PDZRN3: variants seen among roughly 807,000 people sequenced by gnomAD.
The protein encoded by PDZRN3 is PDZ domain containing ring finger 3.
PDZRN3 carries 38 observed loss-of-function variants against 85.7 expected under a neutral mutation model. That is an observed-to-expected ratio of 0.44 (90% CI 0.34 to 0.58). PDZRN3 has a LOEUF of 0.58. Among genes scored for constraint, PDZRN3 ranks in the 20% least tolerant of loss-of-function variants. PDZRN3 has a pLI of 0.01. For missense variants in PDZRN3, 1,629 were observed against 1,506.4 expected (o/e 1.08, Z -1.35); for synonymous variants, 759 against 638.0 (o/e 1.19, Z -2.86).
intron 3 of PDZRN3, among the ~76,000 whole-genome samples, chr3:73,459,650 C>A (rs1037150711): frequency 6.6e-6 from 1 of 152,162 alleles, no homozygotes; most frequent in African/African-American, 2.4e-5. Context: ...ATAATGCCCC[C>A]CAACTCGATC....
At chr3:73,477,338 C>T (rs565575264) in intron 3 of PDZRN3, among the ~76,000 whole-genome samples, 16 of 152,212 alleles carry the variant, frequency 1.1e-4, no homozygotes, top group Non-Finnish European at 2.1e-4. Flanking sequence ...ATATAAATTC[C>T]GGGTCTCTCT....
rs77819607 is a variant in PDZRN3, at chr3:73,470,762, A to G, written c.919-66367T>C. Among the ~76,000 whole-genome samples, 1,365 of 152,292 alleles carry G rather than the reference A, an allele frequency of 9.0e-3. 17 individuals carry two copies. The highest frequency in any genetic ancestry group is 0.031 in the African/African-American group (1,294 of 41,552). On this transcript the variant is annotated intron_variant, in intron 3 of 9. Coordinates refer to ENST00000263666, the MANE Select transcript of PDZRN3 (RefSeq NM_015009.3). ...TGGTTAACTCAAGTCTACATGCAGGACCCAAAGACCCACTGTGCCAATCAT... is the reference window on the plus strand; with the variant it reads ...TGGTTAACTCAAGTCTACATGCAGGGCCCAAAGACCCACTGTGCCAATCAT...
chr3:73,396,265 T>TA, intron 5 of PDZRN3, among the ~76,000 whole-genome samples: 1 of 152,050 alleles, frequency 6.6e-6, no homozygotes, highest in Admixed American at 6.6e-5. Context: ...ATAGGGATGC[T>TA]TCAGAGAGTA....
At chr3:73,498,071 G>A (rs1703902324) in intron 3 of PDZRN3, among the ~76,000 whole-genome samples, 1 of 152,154 alleles carries the variant, frequency 6.6e-6, no homozygotes, top group Middle Eastern at 3.2e-3. Context: ...GCCAGAGAAG[G>A]TAAGGCCACA....
At chr3:73,583,926 T>G (rs1702237265) in intron 3 of PDZRN3, among the ~76,000 whole-genome samples, 1 of 152,208 alleles carries the variant, frequency 6.6e-6, no homozygotes, top group African/African-American at 2.4e-5. Flanking sequence ...ACTTTCAGTA[T>G]TCCCTAAATT....
chr3:73,514,593 G>T (rs1333700933), intron 3 of PDZRN3, among the ~76,000 whole-genome samples: 1 of 152,094 alleles, frequency 6.6e-6, no homozygotes, highest in African/African-American at 2.4e-5. Flanking sequence ...CAACCAATTG[G>T]TCTGAATCTT....
chr3:73,605,167 G>A (rs887496550), intron 2 of PDZRN3, among the ~76,000 whole-genome samples: 3 of 149,608 alleles, frequency 2.0e-5, no homozygotes, highest in Non-Finnish European at 3.0e-5. Flanking sequence ...AGATTGTGCC[G>A]TTGCACTCCA....
chr3:73,520,915 A>C (rs1704349193), intron 3 of PDZRN3, among the ~76,000 whole-genome samples: 1 of 152,212 alleles, frequency 6.6e-6, no homozygotes, highest in African/African-American at 2.4e-5. Flanking sequence ...GGTGCGTGTA[A>C]ACACTGGAAA....
chr3:73,547,834 T>C (rs1258190990), intron 3 of PDZRN3, among the ~76,000 whole-genome samples: 1 of 152,198 alleles, frequency 6.6e-6, no homozygotes, highest in Admixed American at 6.5e-5. Context: ...TTGCTTTTAT[T>C]TACTCTTGGC....
chr3:73,547,544 G>T (rs4676932), intron 3 of PDZRN3, among the ~76,000 whole-genome samples: 1 of 152,072 alleles, frequency 6.6e-6, no homozygotes, highest in Non-Finnish European at 1.5e-5. Context: ...CCTCCTCGAG[G>T]TTCTGGTCCA....
At chr3:73,595,848 T>C (rs1702423621) in intron 3 of PDZRN3, among the ~76,000 whole-genome samples, 1 of 152,200 alleles carries the variant, frequency 6.6e-6, no homozygotes, top group African/African-American at 2.4e-5. Context: ...CAGATGTATA[T>C]GTTATTATCG....
At chr3:73,595,910 T>C (rs1197520154) in intron 3 of PDZRN3, among the ~76,000 whole-genome samples, 2 of 152,188 alleles carry the variant, frequency 1.3e-5, no homozygotes, top group African/African-American at 2.4e-5. Context: ...TCTAGCTCTA[T>C]CTGCTGAAGG....
chr3:73,496,065 G>A (rs888214877), intron 3 of PDZRN3, among the ~76,000 whole-genome samples: 2 of 150,648 alleles, frequency 1.3e-5, no homozygotes, highest in South Asian at 4.2e-4. Context: ...GAAAGACTAA[G>A]TCTCAAGTCA....
At chr3:73,527,105 C>T (rs1704542622) in intron 3 of PDZRN3, among the ~76,000 whole-genome samples, 1 of 152,158 alleles carries the variant, frequency 6.6e-6, no homozygotes, top group African/African-American at 2.4e-5. Context: ...TCCCAAAGTG[C>T]TGGGATTACA....
chr3:73,485,899 GT>G (rs1264023222), intron 3 of PDZRN3, among the ~76,000 whole-genome samples: 1 of 152,196 alleles, frequency 6.6e-6, no homozygotes. Context: ...CCAAAAGGCA[GT>G]CCATATAGCA....
At chr3:73,543,649 C>G (rs1701340616) in intron 3 of PDZRN3, among the ~76,000 whole-genome samples, 1 of 152,200 alleles carries the variant, frequency 6.6e-6, no homozygotes, top group African/African-American at 2.4e-5. Flanking sequence ...CTGGCACTGA[C>G]AGATGCTAGA....
At chr3:73,492,234 C>A (rs1335009149) in intron 3 of PDZRN3, among the ~76,000 whole-genome samples, 1 of 152,108 alleles carries the variant, frequency 6.6e-6, no homozygotes, top group Non-Finnish European at 1.5e-5. Flanking sequence ...CACAGAAAAA[C>A]CCAGATTTCT....
rs139849612 is a variant in PDZRN3 at position 73,541,277 on chromosome 3, C to T, written c.918+61077G>A. Among the ~76,000 whole-genome samples the T allele has an allele frequency of 5.5e-3, 830 of 152,186 alleles. 6 individuals carry two copies. The highest frequency in any genetic ancestry group is 0.019 in the African/African-American group (785 of 41,512). On this transcript the variant is annotated intron_variant, in intron 3 of 9. Transcript: ENST00000263666. Reference sequence around the variant, plus strand: ...TCCAACATGTTCACTGTAGAAAGTCCGGAAAATTTAAGACTATGAAGAAAA... The same window carrying T: ...TCCAACATGTTCACTGTAGAAAGTCTGGAAAATTTAAGACTATGAAGAAAA...
intron 3 of PDZRN3, among the ~76,000 whole-genome samples, chr3:73,448,955 A>G (rs1276930685): frequency 6.6e-6 from 1 of 152,172 alleles, no homozygotes; most frequent in Non-Finnish European, 1.5e-5. Context: ...TCTCACTGCA[A>G]TGTGGTGTGT....
Sources: gnomAD v4.1 joint callset for allele counts (sites outside exome capture counted in the v4.1 genomes callset) on GRCh38, gnomAD v4.1.1 for gene constraint, MANE v1.5 for transcripts, NCBI Gene and HGNC (gene_info 2026-07-23, HGNC 2026-07-21) for gene names.